SPTSSB: variants seen among roughly 807,000 people sequenced by gnomAD.
SPTSSB encodes the protein serine palmitoyltransferase small subunit B, also known as androgen down regulated in mouse prostate.
A neutral mutation model predicts 7.7 loss-of-function variants in SPTSSB; 6 were observed. That is an observed-to-expected ratio of 0.78 (90% CI 0.43 to 1.54). The LOEUF is 1.54. SPTSSB is among the 40% of genes most tolerant of loss of function. The probability of loss-of-function intolerance (pLI) is 0.01; values close to 1 mark genes in which losing one functional copy is unlikely to be tolerated. For missense variants in SPTSSB, 91 were observed against 93.0 expected, an observed-to-expected ratio of 0.98 and a Z score of 0.09; for synonymous variants, 28 against 29.7, an observed-to-expected ratio of 0.94 and a Z score of 0.19.
intron 2 of SPTSSB, among the ~76,000 whole-genome samples, chr3:161,352,681 G>A (rs1714597522): frequency 6.6e-6 from 1 of 152,166 alleles, no homozygotes; most frequent in African/African-American, 2.4e-5. Flanking sequence ...AGCACAATGT[G>A]GGGATCATAA....
intron 2 of SPTSSB, among the ~76,000 whole-genome samples, chr3:161,353,240 T>A (rs1268668000): frequency 2.0e-5 from 3 of 152,192 alleles, no homozygotes; most frequent in Non-Finnish European, 2.9e-5. Context: ...TCACAGCAAC[T>A]GTAGTGTCTT....
chr3:161,350,325 T>C (rs1714467414), intron 2 of SPTSSB, among the ~76,000 whole-genome samples: 2 of 152,202 alleles, frequency 1.3e-5, no homozygotes, highest in Non-Finnish European at 2.9e-5. Context: ...CCCAAGTTAC[T>C]GGATTTTCTC....
chr3:161,364,984 A>G (rs1309199900), intron 1 of SPTSSB, among the ~76,000 whole-genome samples: 3 of 152,192 alleles, frequency 2.0e-5, no homozygotes, highest in Non-Finnish European at 4.4e-5. Context: ...ACTCAAAGTG[A>G]TAACTTTAGC....
At chr3:161,347,301 A>G (rs1714293392) in intron 2 of SPTSSB, among the ~76,000 whole-genome samples, 1 of 152,106 alleles carries the variant, frequency 6.6e-6, no homozygotes, top group African/African-American at 2.4e-5. Flanking sequence ...TCTGCTGCTT[A>G]GGCTAGAATA....
chr3:161,356,662 C>T (rs1714783227), intron 2 of SPTSSB, among the ~76,000 whole-genome samples: 1 of 152,060 alleles, frequency 6.6e-6, no homozygotes, highest in South Asian at 2.1e-4. Flanking sequence ...TTCTTTATTT[C>T]TTATTACATT....
chr3:161,369,825 C>G (rs1413372957), intron 1 of SPTSSB, among the ~76,000 whole-genome samples: 2 of 152,122 alleles, frequency 1.3e-5, no homozygotes, highest in Non-Finnish European at 2.9e-5. Context: ...TCACACTCAA[C>G]TGGAGAGGGT....
At chr3:161,364,760 C>T (rs1476961010) in intron 1 of SPTSSB, among the ~76,000 whole-genome samples, 1 of 151,884 alleles carries the variant, frequency 6.6e-6, no homozygotes, top group Non-Finnish European at 1.5e-5. Context: ...CTATGAGGCA[C>T]AATTAGAATG....
chr3:161,360,365 A>C (rs150289327), intron 1 of SPTSSB, among the ~76,000 whole-genome samples: 129 of 152,354 alleles, frequency 8.5e-4, no homozygotes, highest in African/African-American at 2.7e-3. Context: ...TTTGTCTTTA[A>C]AATCACATTG....
intron 2 of SPTSSB, among the ~76,000 whole-genome samples, chr3:161,356,349 C>T (rs2108161024): frequency 6.6e-6 from 1 of 152,260 alleles, no homozygotes; most frequent in Middle Eastern, 3.4e-3. Context: ...GCCTTTTTCT[C>T]TTCCCTACCT....
chr3:161,365,473 C>T (rs1478383539), intron 1 of SPTSSB, among the ~76,000 whole-genome samples: 1 of 152,190 alleles, frequency 6.6e-6, no homozygotes, highest in Non-Finnish European at 1.5e-5. Flanking sequence ...GTCGGCAAAT[C>T]AGAAAGTTGT....
chr3:161,368,502 C>A (rs996103999), intron 1 of SPTSSB, among the ~76,000 whole-genome samples: 1 of 150,770 alleles, frequency 6.6e-6, no homozygotes, highest in African/African-American at 2.4e-5. Flanking sequence ...TCTCGGCTCA[C>A]TGCAAGCTCC....
chr3:161,363,068 A>G (rs967629226), intron 1 of SPTSSB, among the ~76,000 whole-genome samples: 2 of 151,922 alleles, frequency 1.3e-5, no homozygotes, highest in African/African-American at 4.8e-5. Flanking sequence ...AGAGTTTACA[A>G]TTGCTAAGTA....
intron 2 of SPTSSB, among the ~76,000 whole-genome samples, chr3:161,348,937 AT>A (rs1428206937): frequency 2.0e-5 from 3 of 152,124 alleles, no homozygotes; most frequent in African/African-American, 7.2e-5. Context: ...AATGCACACT[AT>A]TTTTAGGTTC....
intron 1 of SPTSSB, among the ~76,000 whole-genome samples, chr3:161,366,457 G>A (rs1715222870): frequency 6.6e-6 from 1 of 152,110 alleles, no homozygotes; most frequent in South Asian, 2.1e-4. Context: ...CTAATGGCAA[G>A]GGGAAACCAA....
At chr3:161,351,102 C>G (rs889945243) in intron 2 of SPTSSB, among the ~76,000 whole-genome samples, 1 of 152,040 alleles carries the variant, frequency 6.6e-6, no homozygotes, top group African/African-American at 2.4e-5. Flanking sequence ...GGCATTATGA[C>G]TAATTGTAAT....
intron 2 of SPTSSB, among the ~76,000 whole-genome samples, chr3:161,349,475 C>T (rs1188419276): frequency 2.6e-5 from 4 of 152,154 alleles, no homozygotes; most frequent in African/African-American, 9.7e-5. Flanking sequence ...AAAGCTAAAC[C>T]AAGAACTTGA....
chr3:161,366,700 T>G (rs1715233250), intron 1 of SPTSSB, among the ~76,000 whole-genome samples: 1 of 152,190 alleles, frequency 6.6e-6, no homozygotes, highest in Admixed American at 6.5e-5. Flanking sequence ...ATCTTGGGAA[T>G]TTTTGTCTAT....
chr3:161,348,775 A>G (rs1454506377), intron 2 of SPTSSB, among the ~76,000 whole-genome samples: 1 of 152,148 alleles, frequency 6.6e-6, no homozygotes, highest in Non-Finnish European at 1.5e-5. Flanking sequence ...TCTCTTGAAA[A>G]CACTGATTGT....
At chr3:161,363,457 A>G (rs1425362993) in intron 1 of SPTSSB, among the ~76,000 whole-genome samples, 1 of 152,016 alleles carries the variant, frequency 6.6e-6, no homozygotes, top group Non-Finnish European at 1.5e-5. Flanking sequence ...TGCTATGCTA[A>G]TAGACTGGTT....
Sources: gnomAD v4.1 joint callset for allele counts (sites outside exome capture counted in the v4.1 genomes callset) on GRCh38, gnomAD v4.1.1 for gene constraint, MANE v1.5 for transcripts, NCBI Gene and HGNC (gene_info 2026-07-23, HGNC 2026-07-21) for gene names.